Variants in PDZD2 observed in about 807,000 individuals in gnomAD.
PDZD2 encodes the protein PDZ domain containing 2.
Under a neutral mutation model 220.7 loss-of-function variants are expected in PDZD2, and 90 were observed. That is an observed-to-expected ratio of 0.41 (90% CI 0.34 to 0.49). The LOEUF (loss-of-function observed/expected upper bound fraction) is 0.49. PDZD2 is among the 20% of genes least tolerant of loss of function. The pLI is 0.28. For synonymous variants in PDZD2, 1,375 were observed against 1,450.5 expected (o/e 0.95, Z 1.18); for missense variants, 3,174 against 3,608.5 (o/e 0.88, Z 3.08).
At chr5:31,680,662 A>G (rs1746614143) in intron 1 of PDZD2, among the ~76,000 whole-genome samples, 1 of 152,206 alleles carries the variant, frequency 6.6e-6, no homozygotes, top group Admixed American at 6.5e-5. Flanking sequence ...AGCCAGAAAC[A>G]GGCTTGTTGT....
At chr5:31,654,258 C>G (rs1745460688) in intron 1 of PDZD2, among the ~76,000 whole-genome samples, 1 of 152,170 alleles carries the variant, frequency 6.6e-6, no homozygotes, top group Admixed American at 6.5e-5. Context: ...CAGGTCATCC[C>G]TCCCTTATCA....
chr5:31,802,100 G>A (rs145357335), intron 2 of PDZD2, among the ~76,000 whole-genome samples: 1 of 152,148 alleles, frequency 6.6e-6, no homozygotes, highest in Non-Finnish European at 1.5e-5. Flanking sequence ...TCTGAAGAAG[G>A]ATCACATGTG....
intron 2 of PDZD2, among the ~76,000 whole-genome samples, chr5:31,821,143 A>G (rs1755819439): frequency 6.6e-6 from 1 of 151,978 alleles, no homozygotes; most frequent in South Asian, 2.1e-4. Context: ...TTTTTCTTTT[A>G]TAATCATCTT....
intron 1 of PDZD2, among the ~76,000 whole-genome samples, chr5:31,736,475 C>T (rs375183): frequency 1.3e-5 from 2 of 151,968 alleles, no homozygotes; most frequent in East Asian, 1.9e-4. Context: ...CATTTGCCCA[C>T]GCTAATGTGA....
chr5:31,932,560 GAAAGAA>G lies in PDZD2; in HGVS notation c.477-50593_477-50588del, dbSNP rs1472218679. On this transcript the variant is annotated intron_variant, in intron 2 of 24. Transcript: ENST00000438447. Reference sequence around the variant, plus strand: ...CAAGACTCTGCCTCAAAAAAAGAAAGAAAGAAAGAAAGAAAGAAAGAAAATCCAGGC... The same window carrying G: ...CAAGACTCTGCCTCAAAAAAAGAAAGAGAAAGAAAGAAAGAAAATCCAGGC... Among the ~76,000 whole-genome samples the G allele has an allele frequency of 3.8e-4, 3 of 7,894 alleles. No homozygotes were observed. In the South Asian group the frequency reaches 6.7e-3, roughly 18 times the overall value. The allele number at this position is 7,894 out of a possible 152,430, so 5.2% of individuals were successfully genotyped here. A position where few individuals can be genotyped will look rare whatever the true frequency, so the allele number is the denominator to read the frequency against.
chr5:32,014,898 C>T (rs10067025), intron 6 of PDZD2, among the ~76,000 whole-genome samples: 2,401 of 146,162 alleles, frequency 0.016, 61 homozygotes, highest in African/African-American at 0.052. Context: ...TAGTAGAGAA[C>T]GGGGTTCCAC....
rs571238064 is a variant in PDZD2, at chr5:31,841,962, C to A, written c.476+42238C>A. ...CTCCAGCCTGGGTAACAGAGCAAGA[C>A]TCCATCTCAAAAAAAAAAAGAATAA... On this transcript the variant is annotated intron_variant, in intron 2 of 24. Coordinates refer to ENST00000438447, the MANE Select transcript of PDZD2 (RefSeq NM_178140.4). Among the ~76,000 whole-genome samples the A allele has an allele frequency of 4.6e-5, 7 of 151,734 alleles. No individual in the cohort carries two copies. In the South Asian group the frequency reaches 6.2e-4, roughly 14 times the overall value.
rs369710613 is a variant in PDZD2, at chr5:31,672,765, C to G, written c.-361+33328C>G. 3.3e-5 allele frequency among the ~76,000 whole-genome samples: 5 copies of G among 152,226 alleles called. No individual in the cohort carries two copies. In the East Asian group the frequency reaches 5.8e-4, roughly 18 times the overall value. On this transcript the variant is annotated intron_variant, in intron 1 of 24. Transcript: ENST00000438447. Reference sequence around the variant, plus strand: ...TTCTAGGAGGTTTAGAGGAAATTGTCTCTGTGCAGTAGGGTGAGCAGGTGG... The same window carrying G: ...TTCTAGGAGGTTTAGAGGAAATTGTGTCTGTGCAGTAGGGTGAGCAGGTGG...
At chr5:31,750,247 T>C (rs2150176081) in intron 1 of PDZD2, among the ~76,000 whole-genome samples, 1 of 152,262 alleles carries the variant, frequency 6.6e-6, no homozygotes, top group Non-Finnish European at 1.5e-5. Flanking sequence ...TCCGACTTGA[T>C]CTCCACCACC....
At chr5:31,894,646 G>A (rs1044080823) in intron 2 of PDZD2, among the ~76,000 whole-genome samples, 16 of 152,176 alleles carry the variant, frequency 1.1e-4, no homozygotes, top group African/African-American at 2.6e-4. Context: ...TATAATTAGC[G>A]TGTGTCCTGA....
chr5:31,975,096 A>G (rs1021144395), intron 2 of PDZD2, among the ~76,000 whole-genome samples: 7 of 152,230 alleles, frequency 4.6e-5, no homozygotes, highest in African/African-American at 1.7e-4. Flanking sequence ...TTAAATGTAC[A>G]CATTTTGTAA....
At chr5:32,031,825 A>G (rs1247923817) in intron 6 of PDZD2, among the ~76,000 whole-genome samples, 5 of 152,204 alleles carry the variant, frequency 3.3e-5, no homozygotes, top group Non-Finnish European at 7.3e-5. Context: ...ATTGCAAGGT[A>G]TTTTTAACTC....
chr5:31,653,726 A>T (rs1480395210), intron 1 of PDZD2, among the ~76,000 whole-genome samples: 1 of 152,138 alleles, frequency 6.6e-6, no homozygotes, highest in Non-Finnish European at 1.5e-5. Flanking sequence ...TCTTTATTTG[A>T]CACCTACTAT....
intron 18 of PDZD2, 39 bp downstream of exon 18, chr5:32,074,682 A>G (rs768412440): frequency 2.9e-6 from 4 of 1,366,426 alleles, no homozygotes; most frequent in Non-Finnish European, 4.0e-6. Flanking sequence ...ATGGAAGTGC[A>G]TGAATATGTG....
rs1038481188 is a variant in PDZD2 at position 31,639,825 on chromosome 5, G to A, written c.-361+388G>A. Among the ~76,000 whole-genome samples the A allele has an allele frequency of 6.6e-6, 1 of 152,214 alleles. No homozygotes were observed. Among genetic ancestry groups the A allele is most frequent in the East Asian group, 1.9e-4 (1 of 5,164 alleles). The stretch of plus-strand genomic sequence containing the variant: ...GTCCCTTCCTCCGACAGGAGTGGAG[G>A]TACTCAGGTACTCCGGCCTCAGGTA... On this transcript the variant is annotated intron_variant, in intron 1 of 24. Transcript: ENST00000438447. The surrounding 1 kb of genome is among the most constrained non-coding windows in gnomAD (Gnocchi z 4.1).
chr5:31,809,573 C>T (rs564272351), intron 2 of PDZD2, among the ~76,000 whole-genome samples: 3 of 152,280 alleles, frequency 2.0e-5, no homozygotes, highest in South Asian at 2.1e-4. Flanking sequence ...GGGAGTTATT[C>T]GTCCCCAGTT....
intron 5 of PDZD2, among the ~76,000 whole-genome samples, chr5:32,007,404 CT>C (rs1362152857): frequency 5.3e-5 from 8 of 150,978 alleles, no homozygotes; most frequent in African/African-American, 2.0e-4. Flanking sequence ...AAAAAAAACA[CT>C]CTTTTCGGTT....
intron 1 of PDZD2, among the ~76,000 whole-genome samples, chr5:31,764,135 T>C (rs1020710365): frequency 2.6e-5 from 4 of 152,106 alleles, no homozygotes; most frequent in African/African-American, 9.7e-5. Context: ...TTTTACACGC[T>C]TCCATCCACA....
chr5:32,102,837 C>T (rs1219304351), intron 24 of PDZD2, among the ~76,000 whole-genome samples: 1 of 152,186 alleles, frequency 6.6e-6, no homozygotes, highest in Non-Finnish European at 1.5e-5. Flanking sequence ...GTAGTCTCAG[C>T]TCCTTGCACT....
Sources: gnomAD v4.1 joint callset for allele counts (sites outside exome capture counted in the v4.1 genomes callset) on GRCh38, gnomAD v4.1.1 for gene constraint, Gnocchi (gnomAD v3.1) non-coding constraint, MANE v1.5 for transcripts, NCBI Gene and HGNC (gene_info 2026-07-23, HGNC 2026-07-21) for gene names.